FLCN: variants seen among roughly 807,000 people sequenced by gnomAD.
The protein encoded by FLCN is folliculin.
A neutral mutation model predicts 62.5 loss-of-function variants in FLCN; 22 were observed. The observed-to-expected ratio is 0.35, with a 90% CI of 0.25 to 0.50. The LOEUF (loss-of-function observed/expected upper bound fraction) is 0.50. FLCN is among the 20% of genes least tolerant of loss of function. The pLI is 0.97. For missense variants in FLCN, 657 were observed against 778.0 expected, an observed-to-expected ratio of 0.84 and a Z score of 1.85; for synonymous variants, 319 against 310.0, an observed-to-expected ratio of 1.03 and a Z score of -0.30.
rs200823760 is a variant in FLCN at position 17,216,366 on chromosome 17, G to A, written c.1300+14C>T. On this transcript the variant is annotated intron_variant, in intron 11 of 13. Coordinates refer to ENST00000285071, the MANE Select transcript of FLCN (RefSeq NM_144997.7). This position sits in a 1 kb window ranked among gnomAD's most constrained non-coding sequence, Gnocchi z 4.0. ...AGCGCAGGGCATGGCCCCACAGCCC[G>A]CGGGGGCACGCACCTGAGGAGAGCA... The A allele has an allele frequency of 3.9e-5, 63 of 1,613,066 alleles. No homozygotes were observed. In the East Asian group the frequency reaches 9.8e-4, roughly 25 times the overall value.
At chr17:17,219,441 C>T (rs2047023640) in intron 8 of FLCN, 3 of 574,120 alleles carry the variant, frequency 5.2e-6, no homozygotes, top group South Asian at 2.0e-5. Flanking sequence ...ATGGAAAGAC[C>T]GTCAGCTGTT....
At position 17,216,388 on chromosome 17, in the gene FLCN, A is replaced by G. The variant is rs758871984; in HGVS notation, c.1292T>C (p.Leu431Pro). 1.9e-6 allele frequency: 3 copies of G among 1,613,416 alleles called. No homozygotes were observed. In the South Asian group the frequency reaches 3.3e-5, roughly 18 times the overall value. The change falls in exon 11 of 14, where the codon CTC (leucine) becomes CCC (proline). Residue 431 changes from leucine (L) to proline (P), a missense_variant. Transcript: ENST00000285071. This position sits in a 1 kb window ranked among gnomAD's most constrained non-coding sequence, Gnocchi z 4.0. ...SPHVQIPPHV[L>P]SSEFAVIVEV... ...CCCGCGGGGGCACGCACCTGAGGAGAGCACGTGGGGGGGGATCTGCACGTG... is the reference window on the plus strand; with the variant it reads ...CCCGCGGGGGCACGCACCTGAGGAGGGCACGTGGGGGGGGATCTGCACGTG...
chr17:17,227,772 G>C lies in FLCN; in HGVS notation c.249+117C>G, dbSNP rs1025780096. The C allele has an allele frequency of 1.1e-5, 16 of 1,407,130 alleles. No individual in the cohort carries two copies. The African/African-American group carries it at 2.3e-4, about 20-fold the overall frequency. 87.2% of individuals were successfully genotyped at this position (1,407,130 alleles called of 1,614,324 possible). A position where few individuals can be genotyped will look rare whatever the true frequency, so the allele number is the denominator to read the frequency against. On this transcript the variant is annotated intron_variant, in intron 4 of 13. Transcript: ENST00000285071. The stretch of plus-strand genomic sequence containing the variant: ...TCAGGATGAGCGGAAAGAACTGAAG[G>C]GCCCCTGAGAAGCAGTCTGTGTCAC...
intron 7 of FLCN, among the ~76,000 whole-genome samples, chr17:17,221,906 C>T (rs1174148170): frequency 2.0e-5 from 3 of 152,110 alleles, no homozygotes; most frequent in Non-Finnish European, 4.4e-5. Context: ...AATGCAGTCA[C>T]TTGTGAGACA....
At position 17,217,128 on chromosome 17, in the gene FLCN, G is replaced by T. The variant is rs398124524; in HGVS notation, c.1117C>A (p.Gln373Lys). 6.2e-7 allele frequency: 1 copy of T among 1,614,140 alleles called. No homozygotes were observed. Among genetic ancestry groups the T allele is most frequent in the Admixed American group, 1.7e-5 (1 of 60,030 alleles). The change falls in exon 10 of 14, where the codon CAG (glutamine) becomes AAG (lysine). Residue 373 changes from glutamine (Q) to lysine (K), a missense_variant. Transcript: ENST00000285071. ...ACGTCTCTGCTTTTCCAGATCACCTGGTTCCCCATGAGAACGTGCCAGGCC... is the reference window on the plus strand; with the variant it reads ...ACGTCTCTGCTTTTCCAGATCACCTTGTTCCCCATGAGAACGTGCCAGGCC... ...MLAWHVLMGNQVIWKSRDVDL... is the reference protein window; with the variant it reads ...MLAWHVLMGNKVIWKSRDVDL...
intron 1 of FLCN, chr17:17,235,584 G>C (rs1194783150): frequency 1.3e-5 from 2 of 152,266 alleles, no homozygotes; most frequent in Non-Finnish European, 2.9e-5. Flanking sequence ...AGAGCACTTA[G>C]CTTTGCGGTC....
rs752677732 is a variant in FLCN, at chr17:17,217,038, CG to C, written c.1176+30del. On this transcript the variant is annotated intron_variant, in intron 10 of 13. Coordinates refer to ENST00000285071, the MANE Select transcript of FLCN (RefSeq NM_144997.7). ...CAGGCACCAGGCCAATACTGCCCTG[CG>C]CCGCACACCTAAGGAAAAGATGTTC... 33 of 1,502,358 alleles carry C rather than the reference CG, an allele frequency of 2.2e-5. No homozygotes were observed. In the African/African-American group the frequency reaches 4.4e-4, roughly 20 times the overall value. The allele number at this position is 1,502,358 out of a possible 1,614,324, so 93.1% of individuals were successfully genotyped here. A position where few individuals can be genotyped will look rare whatever the true frequency, so the allele number is the denominator to read the frequency against.
intron 8 of FLCN, chr17:17,221,018 T>C: frequency 1.9e-6 from 1 of 535,288 alleles, no homozygotes; most frequent in Non-Finnish European, 3.1e-6. Flanking sequence ...GATGGAAAGC[T>C]TGGCCAAGAC....
rs1490605548 is a variant in FLCN, at chr17:17,232,810, T to G, written c.-136A>C. 6.6e-6 allele frequency: 1 copy of G among 152,586 alleles called. No individual in the cohort carries two copies. Among genetic ancestry groups the G allele is most frequent in the Non-Finnish European group, 1.5e-5 (1 of 68,168 alleles). 9.5% of individuals were successfully genotyped at this position (152,586 alleles called of 1,614,324 possible). ...AACCTGACACTCAGCAGAATCACGC[T>G]TCCACCGTCCACACCAGACCACCAC... On this transcript the variant is annotated 5_prime_UTR_variant, in exon 2 of 14. Coordinates refer to ENST00000285071, the MANE Select transcript of FLCN (RefSeq NM_144997.7).
Position 17,219,132 on chromosome 17 carries a change from T to C in FLCN, c.949A>G (p.Thr317Ala), listed in dbSNP as rs147142086. 3 of 1,614,092 alleles carry C rather than the reference T, an allele frequency of 1.9e-6. No individual in the cohort carries two copies. The highest frequency in any genetic ancestry group is 1.7e-6 in the Non-Finnish European group (2 of 1,180,052). ...EEKAPVLPES[T>A]EGRELTQGPA... ...CCCTGGGTCAGCTCCCGCCCTTCTG[T>C]ACTCTCTGGCAACACAGGGGCTTTC... The change falls in exon 9 of 14, where the codon ACA becomes GCA. Residue 317 changes from threonine to alanine, a missense_variant. Physicochemically the swap from Thr to Ala is moderately conservative, Grantham distance 58 (BLOSUM62 0). Coordinates refer to ENST00000285071, the MANE Select transcript of FLCN (RefSeq NM_144997.7).
chr17:17,216,997 C>G lies in FLCN; in HGVS notation c.1176+72G>C, dbSNP rs1160842458. ...GTGCTGGGCAGTCGGTGCACCTTGG[C>G]ATCCCCACCTGACGCCAGGCACCAG... is the stretch of plus-strand genomic sequence containing the variant. On this transcript the variant is annotated intron_variant, in intron 10 of 13. Transcript: ENST00000285071. This position sits in a 1 kb window ranked among gnomAD's most constrained non-coding sequence, Gnocchi z 4.0. 1 of 1,135,630 alleles carries G rather than the reference C, an allele frequency of 8.8e-7. No homozygotes were observed. The highest frequency in any genetic ancestry group is 1.3e-6 in the Non-Finnish European group (1 of 750,310). 70.3% of individuals were successfully genotyped at this position (1,135,630 alleles called of 1,614,324 possible).
At position 17,213,549 on chromosome 17, in the gene FLCN, C is replaced by A. The variant is rs2046811941; in HGVS notation, c.*106G>T. Reference sequence around the variant, plus strand: ...TGATGGTTTCCCTTCCTTGCTGGGACACAGCTCCTTCCAGCAGTTGAGAAA... The same window carrying A: ...TGATGGTTTCCCTTCCTTGCTGGGAAACAGCTCCTTCCAGCAGTTGAGAAA... On this transcript the variant is annotated 3_prime_UTR_variant, in exon 14 of 14. Transcript: ENST00000285071. The A allele has an allele frequency of 6.7e-7, 1 of 1,483,564 alleles. No homozygotes were observed. The highest frequency in any genetic ancestry group is 2.3e-5 in the East Asian group (1 of 43,960). The allele number at this position is 1,483,564 out of a possible 1,614,324, so 91.9% of individuals were successfully genotyped here.
chr17:17,236,490 C>T (rs577162355), intron 1 of FLCN, among the ~76,000 whole-genome samples: 1 of 152,306 alleles, frequency 6.6e-6, no homozygotes, highest in East Asian at 1.9e-4. Flanking sequence ...GACTTCAATC[C>T]ACAAGCCAAT....
chr17:17,218,901 C>T, intron 9 of FLCN, 118 bp downstream of exon 9: 1 of 1,194,882 alleles, frequency 8.4e-7, no homozygotes, highest in Non-Finnish European at 1.2e-6. Context: ...AGGAGGCTGT[C>T]AGTCACTTCC....
intron 3 of FLCN, chr17:17,231,581 A>T (rs1030766781): frequency 3.9e-5 from 6 of 152,300 alleles, no homozygotes; most frequent in Admixed American, 2.0e-4. Context: ...GGGAGCCCCC[A>T]CCCCTGTTAC....
chr17:17,218,038 T>C (rs934566428), intron 9 of FLCN, among the ~76,000 whole-genome samples: 23 of 152,192 alleles, frequency 1.5e-4, no homozygotes, highest in Non-Finnish European at 1.2e-4. Flanking sequence ...CCCAAGGACA[T>C]CTGCCATGAA....
intron 9 of FLCN, chr17:17,217,555 T>A (rs977417993): frequency 8.4e-6 from 3 of 355,918 alleles, no homozygotes; most frequent in African/African-American, 4.3e-5. Flanking sequence ...CCCAGGAGAA[T>A]AAGGGCATCT....
rs1462280203 is a variant in FLCN at position 17,213,171 on chromosome 17, G to C, written c.*484C>G. 2 of 335,276 alleles carry C rather than the reference G, an allele frequency of 6.0e-6. No homozygotes were observed. The highest frequency in any genetic ancestry group is 4.5e-5 in the Admixed American group (1 of 22,232). The allele number at this position is 335,276 out of a possible 1,614,324, so 20.8% of individuals were successfully genotyped here. A position where few individuals can be genotyped will look rare whatever the true frequency, so the allele number is the denominator to read the frequency against. On this transcript the variant is annotated 3_prime_UTR_variant, in exon 14 of 14. Transcript: ENST00000285071. The stretch of plus-strand genomic sequence containing the variant: ...CCTAACTCAATCACTCAGTGACCAA[G>C]AGCTGGCAATGTACTGAATATTCAC...
intron 8 of FLCN, chr17:17,219,698 T>C (rs1316249819): frequency 6.2e-6 from 1 of 160,466 alleles, no homozygotes; most frequent in Non-Finnish European, 1.4e-5. Context: ...GCCTCCCAAG[T>C]AGCTGGGACT....
Sources: gnomAD v4.1 joint callset for allele counts (sites outside exome capture counted in the v4.1 genomes callset) on GRCh38, gnomAD v4.1.1 for gene constraint, Gnocchi (gnomAD v3.1) non-coding constraint, MANE v1.5 for transcripts, NCBI Gene and HGNC (gene_info 2026-07-23, HGNC 2026-07-21) for gene names.